Variants in TMEM255A observed in about 807,000 individuals in gnomAD.
TMEM255A encodes transmembrane protein 255A, also known as family with sequence similarity 70, member A.
In TMEM255A, 14 loss-of-function variants were observed where a neutral mutation model predicts 23.5. That is an observed-to-expected ratio of 0.60 (90% CI 0.39 to 0.93). The LOEUF (loss-of-function observed/expected upper bound fraction) is 0.93. Among genes scored for constraint, TMEM255A ranks in the 40% least tolerant of loss-of-function variants. TMEM255A has a pLI of 0.00. For synonymous variants in TMEM255A, 104 were observed against 100.3 expected (o/e 1.04, Z -0.22); for missense variants, 233 against 261.7 (o/e 0.89, Z 0.76).
intron 6 of TMEM255A, among the ~76,000 whole-genome samples, chrX:120,283,082 G>A (rs1416485628): frequency 1.8e-5 from 2 of 110,536 alleles, no homozygotes; most frequent in African/African-American, 6.6e-5. Context: ...AAGGAAGGAT[G>A]AGGGGAGGCA....
chrX:120,268,198 G>A, intron 8 of TMEM255A, 46 bp downstream of exon 8: 1 of 1,158,943 alleles, frequency 8.6e-7, no homozygotes, highest in Non-Finnish European at 1.2e-6. Flanking sequence ...GAGAGCATGA[G>A]TGAGAACAAG....
At chrX:120,280,566 C>A (rs1352832335) in intron 6 of TMEM255A, among the ~76,000 whole-genome samples, 5 of 110,605 alleles carry the variant, frequency 4.5e-5, no homozygotes, top group Non-Finnish European at 9.4e-5. Flanking sequence ...GAAATTGCAC[C>A]TTTTGCATTC....
At chrX:120,290,858 T>C (rs1172493146) in intron 4 of TMEM255A, among the ~76,000 whole-genome samples, 1 of 111,721 alleles carries the variant, frequency 9.0e-6, no homozygotes, top group Non-Finnish European at 1.9e-5. Context: ...CCATAAGTCA[T>C]GTGGCTTCTT....
At chrX:120,306,565 G>A (rs1447301333) in intron 1 of TMEM255A, among the ~76,000 whole-genome samples, 1 of 111,913 alleles carries the variant, frequency 8.9e-6, no homozygotes, top group Non-Finnish European at 1.9e-5. Flanking sequence ...TGGCAAAAGA[G>A]AGTGAGAGAA....
At chrX:120,308,890 A>G (rs1261890969) in intron 1 of TMEM255A, among the ~76,000 whole-genome samples, 1 of 113,022 alleles carries the variant, frequency 8.8e-6, no homozygotes. Context: ...CGTAGAGTGC[A>G]GGCACCTTGG....
intron 1 of TMEM255A, among the ~76,000 whole-genome samples, chrX:120,309,637 C>T (rs2058086237): frequency 8.9e-6 from 1 of 112,667 alleles, no homozygotes; most frequent in African/African-American, 3.2e-5. Context: ...TTGTTGGCGC[C>T]ACAGCTGGCC....
rs782129861 is a variant in TMEM255A, at chrX:120,286,421, T to C, written c.423+733A>G. Among the ~76,000 whole-genome samples the C allele has an allele frequency of 3.6e-5, 4 of 112,183 alleles. No homozygotes were observed. The South Asian group carries it at 1.5e-3, about 42-fold the overall frequency. On this transcript the variant is annotated intron_variant, in intron 5 of 8. Coordinates refer to ENST00000371369, the MANE Select transcript of TMEM255A (RefSeq NM_001104544.3). ...TCCTGGAAGCCTAGGTACAGTTTCA[T>C]ATGGAGAAATCCCTGGGTTGGGAAG...
rs16995813 is a variant in TMEM255A at position 120,285,786 on chromosome X, C to T, written c.424-571G>A. 5.2e-3 allele frequency: 6,194 copies of T among 1,190,876 alleles called. 162 individuals are homozygous for T. The African/African-American group carries it at 0.084, about 16-fold the overall frequency. On this transcript the variant is annotated intron_variant, in intron 5 of 8. Coordinates refer to ENST00000371369, the MANE Select transcript of TMEM255A (RefSeq NM_001104544.3). ...AATATTTTTACAGTCACCAAATTAA[C>T]GCAAGAAAGCTATCACAACAAAATC...
intron 1 of TMEM255A, among the ~76,000 whole-genome samples, chrX:120,309,579 C>G (rs781880093): frequency 2.1e-4 from 24 of 113,023 alleles, no homozygotes; most frequent in Non-Finnish European, 3.8e-4. Flanking sequence ...TCCACTCTGC[C>G]CTCCCTCGCG....
intron 6 of TMEM255A, among the ~76,000 whole-genome samples, chrX:120,279,114 T>C (rs1418599699): frequency 3.6e-5 from 4 of 112,147 alleles, no homozygotes; most frequent in Non-Finnish European, 7.5e-5. Context: ...CTGTTTTTAA[T>C]AGTAAGCTTC....
chrX:120,270,595 TC>T (rs2057752396), intron 7 of TMEM255A, among the ~76,000 whole-genome samples: 1 of 111,673 alleles, frequency 9.0e-6, no homozygotes, highest in Non-Finnish European at 1.9e-5. Context: ...AAAATTCATC[TC>T]AAATCCTCAT....
intron 7 of TMEM255A, among the ~76,000 whole-genome samples, chrX:120,271,854 A>G (rs989097597): frequency 3.6e-5 from 4 of 112,169 alleles, no homozygotes. Flanking sequence ...AAAAGAAAAG[A>G]TAGATAAATG....
chrX:120,276,232 A>G (rs1193123596), intron 7 of TMEM255A, among the ~76,000 whole-genome samples: 2 of 112,126 alleles, frequency 1.8e-5, no homozygotes, highest in Non-Finnish European at 3.8e-5. Context: ...GAAGCCTACT[A>G]TATGGAGTAC....
chrX:120,255,302 C>A, downstream of TMEM255A: 1 of 1,211,488 alleles, frequency 8.3e-7, no homozygotes, highest in South Asian at 1.8e-5. Context: ...CAGTAGGGAC[C>A]ACTACATCTA....
downstream of TMEM255A, chrX:120,255,854 T>C (rs2057634820): frequency 7.4e-6 from 1 of 135,606 alleles, no homozygotes; most frequent in African/African-American, 3.2e-5. Context: ...AAATGTGTGT[T>C]TTGTCTTGTA....
At chrX:120,287,528 GTCT>G (rs1246836933) in intron 4 of TMEM255A, among the ~76,000 whole-genome samples, 1 of 111,422 alleles carries the variant, frequency 9.0e-6, no homozygotes, top group Non-Finnish European at 1.9e-5. Context: ...TCTGGCCTTT[GTCT>G]TCTTGTAAAC....
At chrX:120,310,736 C>T (rs1414759886) in intron 1 of TMEM255A, among the ~76,000 whole-genome samples, 2 of 72,624 alleles carry the variant, frequency 2.8e-5, no homozygotes, top group African/African-American at 1.0e-4. Context: ...CCCGCCCCCC[C>T]CCCCCAATCA....
intron 7 of TMEM255A, among the ~76,000 whole-genome samples, chrX:120,272,107 G>A (rs2057765256): frequency 8.9e-6 from 1 of 111,945 alleles, no homozygotes; most frequent in African/African-American, 3.3e-5. Flanking sequence ...GGATGCTGGG[G>A]GTGCCCAGCT....
intron 1 of TMEM255A, among the ~76,000 whole-genome samples, chrX:120,310,740 C>G (rs1228118209): frequency 2.8e-5 from 2 of 70,983 alleles, no homozygotes; most frequent in Non-Finnish European, 5.4e-5. Flanking sequence ...CCCCCCCCCC[C>G]CAATCAGCGA....
Sources: gnomAD v4.1 joint callset for allele counts (sites outside exome capture counted in the v4.1 genomes callset) on GRCh38, gnomAD v4.1.1 for gene constraint, MANE v1.5 for transcripts, NCBI Gene and HGNC (gene_info 2026-07-23, HGNC 2026-07-21) for gene names.